KLHL1: variants seen among roughly 807,000 people sequenced by gnomAD.
KLHL1 encodes the protein kelch like family member 1.
KLHL1 carries 47 observed loss-of-function variants against 77.7 expected under a neutral mutation model. That is an observed-to-expected ratio of 0.60 (90% CI 0.48 to 0.77). The LOEUF (loss-of-function observed/expected upper bound fraction) is 0.77. Among genes scored for constraint, KLHL1 ranks in the 30% least tolerant of loss-of-function variants. The probability of loss-of-function intolerance (pLI) is 0.00; values close to 1 mark genes in which losing one functional copy is unlikely to be tolerated. For missense variants in KLHL1, 925 were observed against 910.8 expected (o/e 1.02, Z -0.20); for synonymous variants, 360 against 325.2 (o/e 1.11, Z -1.15).
At chr13:69,996,493 A>G (rs1032038954) in intron 1 of KLHL1, among the ~76,000 whole-genome samples, 3 of 152,098 alleles carry the variant, frequency 2.0e-5, no homozygotes, top group Non-Finnish European at 4.4e-5. Flanking sequence ...TTTTTACATC[A>G]GAAAATCCAC....
At chr13:69,790,827 A>C (rs975584103) in intron 7 of KLHL1, among the ~76,000 whole-genome samples, 7 of 152,136 alleles carry the variant, frequency 4.6e-5, no homozygotes, top group African/African-American at 1.7e-4. Flanking sequence ...AGGCAGGTGG[A>C]TCACCTGAGG....
chr13:70,095,725 A>G lies in KLHL1; in HGVS notation c.497+11478T>C, dbSNP rs60061703. 7.7e-3 allele frequency among the ~76,000 whole-genome samples: 1,169 copies of G among 152,192 alleles called. 12 individuals are homozygous for G. Among genetic ancestry groups the G allele is most frequent in the African/African-American group, 0.027 (1,114 of 41,544 alleles). On this transcript the variant is annotated intron_variant, in intron 1 of 10. Coordinates refer to ENST00000377844, the MANE Select transcript of KLHL1 (RefSeq NM_020866.3). ...CTTTTAGTTATTTTGAGAGGACAAT[A>G]AATTATTGTTAACTATAGTCATCCC...
intron 1 of KLHL1, among the ~76,000 whole-genome samples, chr13:70,082,603 T>C (rs1460142014): frequency 6.6e-6 from 1 of 152,180 alleles, no homozygotes; most frequent in Non-Finnish European, 1.5e-5. Flanking sequence ...GTTAAACTAT[T>C]TTTTAAAAAT....
chr13:70,037,853 A>T (rs1886277604), intron 1 of KLHL1, among the ~76,000 whole-genome samples: 1 of 152,166 alleles, frequency 6.6e-6, no homozygotes, highest in Non-Finnish European at 1.5e-5. Context: ...CAATATGTGT[A>T]GTATTTTTTG....
chr13:69,806,196 C>G (rs1484659983), intron 6 of KLHL1, among the ~76,000 whole-genome samples: 2 of 152,100 alleles, frequency 1.3e-5, no homozygotes, highest in East Asian at 3.8e-4. Context: ...TCCTGTCTTA[C>G]TCCTTATACC....
At chr13:69,848,225 A>C (rs183041619) in intron 5 of KLHL1, among the ~76,000 whole-genome samples, 19 of 151,612 alleles carry the variant, frequency 1.3e-4, no homozygotes, top group Middle Eastern at 3.4e-3. Flanking sequence ...CAGAGAGAAA[A>C]ATGGACAATT....
At chr13:69,746,343 T>C (rs1278384711) in intron 7 of KLHL1, among the ~76,000 whole-genome samples, 1 of 149,986 alleles carries the variant, frequency 6.7e-6, no homozygotes, top group Non-Finnish European at 1.5e-5. Context: ...ATATTTGGCA[T>C]TTAAAATTCT....
rs34074889 is a variant in KLHL1, at chr13:69,939,340, CATAT to C, written c.1014+696_1014+699del. On this transcript the variant is annotated intron_variant, in intron 4 of 10. Transcript: ENST00000377844. ...ACACTCATATATATACATATACATACATATATATATATATATATATATATATATA... is the reference window on the plus strand; with the variant it reads ...ACACTCATATATATACATATACATACATATATATATATATATATATATATA... 9.5e-3 allele frequency among the ~76,000 whole-genome samples: 579 copies of C among 60,836 alleles called. 20 individuals are homozygous for C. Among genetic ancestry groups the C allele is most frequent in the South Asian group, 0.065 (99 of 1,520 alleles). 39.9% of individuals were successfully genotyped at this position (60,836 alleles called of 152,430 possible).
chr13:69,894,792 A>T (rs1298860923), intron 4 of KLHL1: 2 of 233,594 alleles, frequency 8.6e-6, no homozygotes, highest in Non-Finnish European at 1.7e-5. Context: ...AGCTCCACAA[A>T]TTCCTTAATT....
chr13:70,049,816 G>T (rs1886587797), intron 1 of KLHL1, among the ~76,000 whole-genome samples: 1 of 151,862 alleles, frequency 6.6e-6, no homozygotes, highest in African/African-American at 2.4e-5. Flanking sequence ...TTTCAAACTT[G>T]TTCTGGCTTA....
intron 4 of KLHL1, among the ~76,000 whole-genome samples, chr13:69,933,580 A>G (rs79439125): frequency 5.7e-4 from 87 of 152,260 alleles, no homozygotes; most frequent in Non-Finnish European, 1.0e-3. Flanking sequence ...AAGGATGTAT[A>G]GCATGTTTTT....
intron 5 of KLHL1, among the ~76,000 whole-genome samples, chr13:69,850,033 G>A (rs963341487): frequency 6.6e-6 from 1 of 151,412 alleles, no homozygotes; most frequent in African/African-American, 2.4e-5. Context: ...TCCAGACCCA[G>A]TTGATAGCAT....
intron 5 of KLHL1, among the ~76,000 whole-genome samples, chr13:69,878,424 T>A (rs1261070944): frequency 6.6e-6 from 1 of 152,064 alleles, no homozygotes; most frequent in Non-Finnish European, 1.5e-5. Flanking sequence ...TCTGCAGGAA[T>A]TACCTTACAA....
intron 9 of KLHL1, 104 bp from the exon 10 acceptor site, chr13:69,707,900 T>C (rs750259888): frequency 5.0e-6 from 4 of 804,162 alleles, no homozygotes; most frequent in South Asian, 5.0e-5. Flanking sequence ...GGAAACTACC[T>C]TTTTTTTTCT....
chr13:69,911,403 GGTTA>G (rs1464535501), intron 4 of KLHL1, among the ~76,000 whole-genome samples: 1 of 151,900 alleles, frequency 6.6e-6, no homozygotes, highest in African/African-American at 2.4e-5. Flanking sequence ...GCTCTGAAGT[GGTTA>G]GTTTACATTC....
chr13:69,940,405 C>T (rs77764429), intron 3 of KLHL1, among the ~76,000 whole-genome samples, 169 bp from the exon 4 acceptor site: 12,848 of 152,118 alleles, frequency 0.084, 608 homozygotes, highest in Non-Finnish European at 0.11. Context: ...AAGAATTTTG[C>T]ATTTCGTATT....
At chr13:69,708,401 C>A (rs78878064) in intron 9 of KLHL1, among the ~76,000 whole-genome samples, 14,368 of 151,860 alleles carry the variant, frequency 0.095, 952 homozygotes, top group African/African-American at 0.19. Flanking sequence ...TGCCTCAAGA[C>A]GTAAGTTTTG....
At chr13:69,753,860 C>G (rs1874591653) in intron 7 of KLHL1, among the ~76,000 whole-genome samples, 1 of 151,804 alleles carries the variant, frequency 6.6e-6, no homozygotes, top group South Asian at 2.1e-4. Flanking sequence ...AATTTTGAGA[C>G]CAGTCTTGCT....
intron 7 of KLHL1, among the ~76,000 whole-genome samples, chr13:69,770,059 A>C (rs1875490791): frequency 6.6e-6 from 1 of 152,170 alleles, no homozygotes; most frequent in South Asian, 2.1e-4. Context: ...GGAATGAGAT[A>C]GAATTTTCAA....
Sources: gnomAD v4.1 joint callset for allele counts (sites outside exome capture counted in the v4.1 genomes callset) on GRCh38, gnomAD v4.1.1 for gene constraint, MANE v1.5 for transcripts, NCBI Gene and HGNC (gene_info 2026-07-23, HGNC 2026-07-21) for gene names.